The following DLC1 variants were observed in gnomAD, a reference collection of about 807,000 sequenced individuals.
DLC1 encodes DLC1 Rho GTPase activating protein.
A neutral mutation model predicts 140.3 loss-of-function variants in DLC1; 54 were observed. That is an observed-to-expected ratio of 0.38 (90% CI 0.31 to 0.48). The LOEUF (loss-of-function observed/expected upper bound fraction) is 0.48, where lower values mean the gene tolerates loss of function less well. DLC1 is among the 20% of genes least tolerant of loss of function. The pLI, the probability that DLC1 is intolerant of heterozygous loss-of-function variation, is 0.96. For missense variants in DLC1, 2,536 were observed against 1,907.0 expected, an observed-to-expected ratio of 1.33 and a Z score of -6.14; for synonymous variants, 986 against 728.1, an observed-to-expected ratio of 1.35 and a Z score of -5.70.
intron 3 of DLC1, among the ~76,000 whole-genome samples, chr8:13,399,016 T>C (rs988917331): frequency 2.0e-5 from 3 of 152,034 alleles, no homozygotes; most frequent in East Asian, 1.9e-4. Context: ...TGGGAGAAGA[T>C]CCAGGGAGAC....
chr8:13,394,936 C>T (rs1329232190), intron 3 of DLC1, among the ~76,000 whole-genome samples: 2 of 151,912 alleles, frequency 1.3e-5, no homozygotes, highest in African/African-American at 4.8e-5. Flanking sequence ...CAAAGAACTT[C>T]ACTCCCTTCA....
At chr8:13,207,615 G>C (rs761795492) in intron 5 of DLC1, among the ~76,000 whole-genome samples, 6 of 152,052 alleles carry the variant, frequency 3.9e-5, no homozygotes, top group Non-Finnish European at 5.9e-5. Context: ...TTTCATGGTT[G>C]CTTTACACCA....
intron 2 of DLC1, among the ~76,000 whole-genome samples, chr8:13,433,981 G>A (rs564668443): frequency 3.9e-4 from 59 of 152,168 alleles, no homozygotes; most frequent in Middle Eastern, 6.8e-3. Flanking sequence ...TCAGCCTCCC[G>A]AGCAGCTGCG....
chr8:13,438,862 C>T (rs1393365568), intron 2 of DLC1, among the ~76,000 whole-genome samples: 2 of 152,112 alleles, frequency 1.3e-5, no homozygotes, highest in Admixed American at 1.3e-4. Context: ...CTTTGCAAAC[C>T]AGGGGTCGGC....
intron 5 of DLC1, among the ~76,000 whole-genome samples, chr8:13,283,541 G>C (rs1031288012): frequency 1.3e-5 from 2 of 151,946 alleles, no homozygotes; most frequent in African/African-American, 4.8e-5. Context: ...TTTGAGACAA[G>C]ATCTCACTCT....
chr8:13,090,959 C>T (rs1172555365), intron 14 of DLC1, among the ~76,000 whole-genome samples: 3 of 151,610 alleles, frequency 2.0e-5, no homozygotes, highest in Admixed American at 1.3e-4. Context: ...TGTGCACCAC[C>T]ACACCCGGCT....
intron 4 of DLC1, among the ~76,000 whole-genome samples, chr8:13,386,427 A>C (rs1836523706): frequency 6.6e-6 from 1 of 152,074 alleles, no homozygotes; most frequent in Admixed American, 6.5e-5. Flanking sequence ...TATATATATC[A>C]AGATACAAGT....
chr8:13,453,931 A>G (rs1164515997), intron 2 of DLC1, among the ~76,000 whole-genome samples: 3 of 152,242 alleles, frequency 2.0e-5, no homozygotes, highest in East Asian at 3.9e-4. Context: ...TCAACTGACA[A>G]TTAAAATGAG....
chr8:13,131,831 A>G (rs1226244460), intron 5 of DLC1, among the ~76,000 whole-genome samples: 2 of 152,230 alleles, frequency 1.3e-5, no homozygotes, highest in East Asian at 3.9e-4. Context: ...GACCAGGATG[A>G]GACCCCACCA....
intron 5 of DLC1, chr8:13,116,323 C>T (rs1235970137): frequency 2.6e-6 from 2 of 779,478 alleles, no homozygotes; most frequent in Non-Finnish European, 3.1e-6. Flanking sequence ...TAGATAGAAT[C>T]GATAAACAGA....
At chr8:13,183,504 T>A (rs1422553156) in intron 5 of DLC1, among the ~76,000 whole-genome samples, 1 of 152,186 alleles carries the variant, frequency 6.6e-6, no homozygotes, top group Non-Finnish European at 1.5e-5. Context: ...ATACCTAGTT[T>A]ATTGAGGGTT....
At chr8:13,511,783 A>G (rs537100312) in intron 1 of DLC1, among the ~76,000 whole-genome samples, 1 of 152,248 alleles carries the variant, frequency 6.6e-6, no homozygotes, top group East Asian at 1.9e-4. Context: ...GGTCATTTGG[A>G]ACTTTGCCAT....
At chr8:13,195,125 T>C (rs1199692447) in intron 5 of DLC1, among the ~76,000 whole-genome samples, 2 of 152,216 alleles carry the variant, frequency 1.3e-5, no homozygotes, top group South Asian at 2.1e-4. Flanking sequence ...CTATTTCTCA[T>C]TTATTTGGCC....
chr8:13,276,542 C>A, intron 5 of DLC1: 5 of 1,291,996 alleles, frequency 3.9e-6, no homozygotes, highest in Non-Finnish European at 4.9e-6. Context: ...CGGGAAGCGC[C>A]AACTGCAGGC....
chr8:13,312,386 A>AAAAAAAAAAAAAAAAAAAATAATAAT (rs71207139), intron 4 of DLC1, among the ~76,000 whole-genome samples: 2 of 81,702 alleles, frequency 2.4e-5, no homozygotes, highest in Admixed American at 1.5e-4. Flanking sequence ...AAAAAAAAAA[A>AAAAAAAAAAAAAAAAAAAATAATAAT]AATAATTTCT....
intron 2 of DLC1, among the ~76,000 whole-genome samples, chr8:13,440,341 T>G (rs1359299726): frequency 6.6e-6 from 1 of 152,176 alleles, no homozygotes; most frequent in Non-Finnish European, 1.5e-5. Context: ...ATGCTACTAA[T>G]ACAAGCTGCT....
intron 1 of DLC1, among the ~76,000 whole-genome samples, chr8:13,530,696 A>G (rs1191415967): frequency 6.6e-6 from 1 of 152,174 alleles, no homozygotes; most frequent in Non-Finnish European, 1.5e-5. Context: ...CAGATGACAT[A>G]TTGTTCCAAT....
intron 5 of DLC1, among the ~76,000 whole-genome samples, chr8:13,284,726 G>C (rs1257171199): frequency 6.6e-6 from 1 of 151,840 alleles, no homozygotes; most frequent in African/African-American, 2.4e-5. Context: ...AAAATCAATT[G>C]TATTTTCACA....
intron 5 of DLC1, among the ~76,000 whole-genome samples, chr8:13,295,750 C>G (rs1402934629): frequency 6.6e-6 from 1 of 152,020 alleles, no homozygotes; most frequent in Admixed American, 6.6e-5. Flanking sequence ...AAAGTAATAG[C>G]TTGTTACATG....
Sources: allele counts gnomAD v4.1 joint callset (sites outside exome capture counted in the v4.1 genomes callset), GRCh38; gene constraint gnomAD v4.1.1; transcripts MANE v1.5; gene names NCBI Gene and HGNC (gene_info 2026-07-23, HGNC 2026-07-21).